HS3ST3A1: variants seen among roughly 807,000 people sequenced by gnomAD.
HS3ST3A1 encodes the protein heparan sulfate glucosamine 3-O-sulfotransferase 3A1.
HS3ST3A1 carries 19 observed loss-of-function variants against 25.7 expected under a neutral mutation model. The ratio of observed to expected loss-of-function variants is 0.74; its 90% CI spans 0.52 to 1.08. HS3ST3A1 has a LOEUF of 1.08. Among genes scored for constraint, HS3ST3A1 ranks in the 50% least tolerant of loss-of-function variants. HS3ST3A1 has a pLI of 0.00. For missense variants in HS3ST3A1, 459 were observed against 594.3 expected (o/e 0.77, Z 2.37); for synonymous variants, 226 against 278.6 (o/e 0.81, Z 1.88).
chr17:13,505,455 G>A (rs1361970314), intron 1 of HS3ST3A1, among the ~76,000 whole-genome samples: 1 of 152,176 alleles, frequency 6.6e-6, no homozygotes, highest in African/African-American at 2.4e-5. Flanking sequence ...CAGGTTTGGA[G>A]CAGGAAAGGA....
Position 13,544,717 on chromosome 17 carries a change from G to T in HS3ST3A1, c.600-47899C>A, listed in dbSNP as rs11870511. 5.3e-3 allele frequency among the ~76,000 whole-genome samples: 808 copies of T among 151,842 alleles called. 7 individuals carry two copies. Among genetic ancestry groups the T allele is most frequent in the African/African-American group, 0.019 (774 of 41,330 alleles). On this transcript the variant is annotated intron_variant, in intron 1 of 1. Transcript: ENST00000284110. ...GTAATTATTATAAATGGGATGGGTG[G>T]TGGGATAAGCAAAGATCCAAGTTTT... is the stretch of plus-strand genomic sequence containing the variant.
At chr17:13,549,115 A>G (rs904438071) in intron 1 of HS3ST3A1, among the ~76,000 whole-genome samples, 1 of 152,176 alleles carries the variant, frequency 6.6e-6, no homozygotes, top group African/African-American at 2.4e-5. Flanking sequence ...TATAACACTC[A>G]CCACAAGGGT....
At chr17:13,595,446 C>T (rs1375543381) in intron 1 of HS3ST3A1, among the ~76,000 whole-genome samples, 1 of 152,024 alleles carries the variant, frequency 6.6e-6, no homozygotes, top group Admixed American at 6.6e-5. Context: ...ATAAATATCC[C>T]CCAGAGAGAT....
intron 1 of HS3ST3A1, among the ~76,000 whole-genome samples, chr17:13,516,321 A>T (rs6502271): frequency 0.25 from 37,385 of 152,050 alleles, 4,853 homozygotes; most frequent in East Asian, 0.42. Flanking sequence ...AAAAAATAAA[A>T]AAATAAATAA....
At chr17:13,594,786 C>G (rs903463662) in intron 1 of HS3ST3A1, among the ~76,000 whole-genome samples, 4 of 151,624 alleles carry the variant, frequency 2.6e-5, no homozygotes, top group Non-Finnish European at 4.4e-5. Flanking sequence ...AGGCAAAGTG[C>G]AGCTCATCCT....
intron 1 of HS3ST3A1, among the ~76,000 whole-genome samples, chr17:13,583,771 C>T (rs1380014385): frequency 6.6e-6 from 1 of 152,204 alleles, no homozygotes; most frequent in Non-Finnish European, 1.5e-5. Context: ...TATTTCTTTT[C>T]TCTACGAACC....
At chr17:13,535,968 G>T (rs1210419122) in intron 1 of HS3ST3A1, among the ~76,000 whole-genome samples, 1 of 152,006 alleles carries the variant, frequency 6.6e-6, no homozygotes, top group African/African-American at 2.4e-5. Context: ...TATCAGCAAG[G>T]TTCTGGTGAC....
chr17:13,553,094 G>T (rs1264126599), intron 1 of HS3ST3A1, among the ~76,000 whole-genome samples: 3 of 152,104 alleles, frequency 2.0e-5, no homozygotes, highest in Admixed American at 2.0e-4. Flanking sequence ...TGTTTTTCAT[G>T]GGGCAGAGAC....
intron 1 of HS3ST3A1, among the ~76,000 whole-genome samples, chr17:13,548,253 A>C (rs1907141540): frequency 6.6e-6 from 1 of 152,158 alleles, no homozygotes; most frequent in Non-Finnish European, 1.5e-5. Context: ...TTCAGCATCT[A>C]GTGAGGGCTC....
chr17:13,541,090 C>G (rs1906918856), intron 1 of HS3ST3A1, among the ~76,000 whole-genome samples: 1 of 152,138 alleles, frequency 6.6e-6, no homozygotes, highest in South Asian at 2.1e-4. Context: ...CAACTGACCC[C>G]ACATATCCCC....
intron 1 of HS3ST3A1, among the ~76,000 whole-genome samples, chr17:13,562,801 C>T (rs985892768): frequency 1.3e-5 from 2 of 152,040 alleles, no homozygotes; most frequent in Admixed American, 1.3e-4. Flanking sequence ...TGAAGCCAGT[C>T]GATGTGCCCT....
chr17:13,579,943 T>TAAAA (rs66568347), intron 1 of HS3ST3A1, among the ~76,000 whole-genome samples: 9 of 81,938 alleles, frequency 1.1e-4, no homozygotes, highest in South Asian at 4.6e-4. Context: ...TGACTCTGTC[T>TAAAA]AAAAAAAAAA....
chr17:13,573,295 C>T (rs1370773011), intron 1 of HS3ST3A1, among the ~76,000 whole-genome samples: 4 of 152,120 alleles, frequency 2.6e-5, no homozygotes, highest in East Asian at 1.9e-4. Flanking sequence ...CTCATAAATA[C>T]TCAATCCATC....
Position 13,527,792 on chromosome 17 carries a change from T to G in HS3ST3A1, c.600-30974A>C, listed in dbSNP as rs574576819. ...TATGGCTGCAGCGGATCTGGCTTTG[T>G]GGAGTTTAGCTCCCCTCCATTATCT... On this transcript the variant is annotated intron_variant, in intron 1 of 1. Transcript: ENST00000284110. Among the ~76,000 whole-genome samples the G allele has an allele frequency of 8.9e-4, 135 of 152,340 alleles. 1 individual carries two copies. The highest frequency in any genetic ancestry group is 3.2e-3 in the African/African-American group (133 of 41,588).
chr17:13,601,007 G>A lies in HS3ST3A1; in HGVS notation c.123C>T (p.Cys41=), dbSNP rs1368226921. ...ACAGGGTCTGGCAGCGCTCGGCCAG[G>A]CAGTAGAAGACGTAAAGGGACGTGA... The part of the protein sequence containing the change: ...SLLTSLYVFY[C]LAERCQTLSG... The change falls in exon 1 of 2, where the codon TGC becomes TGT. Residue 41 remains cysteine (C), a synonymous_variant. Transcript: ENST00000284110. The A allele has an allele frequency of 1.3e-6, 2 of 1,583,866 alleles. No homozygotes were observed. The highest frequency in any genetic ancestry group is 2.3e-5 in the East Asian group (1 of 42,992).
intron 1 of HS3ST3A1, among the ~76,000 whole-genome samples, chr17:13,554,692 A>G (rs1422015442): frequency 6.6e-6 from 1 of 152,156 alleles, no homozygotes; most frequent in African/African-American, 2.4e-5. Context: ...TTTGAAAGAG[A>G]GATAAAGCAA....
intron 1 of HS3ST3A1, among the ~76,000 whole-genome samples, chr17:13,539,395 C>G (rs1034908231): frequency 1.3e-5 from 2 of 152,192 alleles, no homozygotes; most frequent in African/African-American, 4.8e-5. Flanking sequence ...GTCAACCGTA[C>G]TAGCTCCCAA....
intron 1 of HS3ST3A1, among the ~76,000 whole-genome samples, chr17:13,501,612 T>C (rs1905478637): frequency 6.6e-6 from 1 of 152,122 alleles, no homozygotes; most frequent in African/African-American, 2.4e-5. Flanking sequence ...GCATGATCAC[T>C]AGATAGTAAT....
chr17:13,534,547 C>CAAAAA (rs34383911), intron 1 of HS3ST3A1, among the ~76,000 whole-genome samples: 17 of 32,814 alleles, frequency 5.2e-4, no homozygotes, highest in Admixed American at 1.0e-3. Context: ...CTACAAAATC[C>CAAAAA]AAAAAAAAAA....
Sources: allele counts gnomAD v4.1 joint callset (sites outside exome capture counted in the v4.1 genomes callset), GRCh38; gene constraint gnomAD v4.1.1; transcripts MANE v1.5; gene names NCBI Gene and HGNC (gene_info 2026-07-23, HGNC 2026-07-21).